The following FNIP2 variants were observed in gnomAD, a reference collection of about 807,000 sequenced individuals.
FNIP2 encodes folliculin-interacting protein 2.
A neutral mutation model predicts 108.7 loss-of-function variants in FNIP2; 32 were observed. The observed-to-expected ratio is 0.29, with a 90% CI of 0.22 to 0.40. The LOEUF (loss-of-function observed/expected upper bound fraction) is 0.40, where lower values mean the gene tolerates loss of function less well. FNIP2 is among the 10% of genes least tolerant of loss of function. The pLI is 1.00. For missense variants in FNIP2, 1,202 were observed against 1,381.6 expected, an observed-to-expected ratio of 0.87 and a Z score of 2.06; for synonymous variants, 480 against 496.7, an observed-to-expected ratio of 0.97 and a Z score of 0.45.
chr4:158,896,194 C>T (rs576616734), intron 16 of FNIP2, among the ~76,000 whole-genome samples: 1 of 152,196 alleles, frequency 6.6e-6, no homozygotes, highest in Non-Finnish European at 1.5e-5. Flanking sequence ...AAGTCACAAG[C>T]TGTGGGACAT....
At chr4:158,832,194 A>G (rs1778524352) in intron 5 of FNIP2, 56 bp downstream of exon 5, 2 of 1,396,172 alleles carry the variant, frequency 1.4e-6, no homozygotes, top group South Asian at 2.4e-5. Flanking sequence ...GTATTTCTAG[A>G]TAGACTAATT....
intron 1 of FNIP2, among the ~76,000 whole-genome samples, chr4:158,787,485 T>G (rs1189687247): frequency 6.6e-6 from 1 of 152,136 alleles, no homozygotes; most frequent in African/African-American, 2.4e-5. Context: ...TTTTATAGAA[T>G]AGGAAAAGGC....
chr4:158,898,620 T>G lies in FNIP2; in HGVS notation c.3266+2755T>G, dbSNP rs182966389. Among the ~76,000 whole-genome samples the G allele has an allele frequency of 2.0e-5, 3 of 152,278 alleles. No homozygotes were observed. In the East Asian group the frequency reaches 5.8e-4, roughly 29 times the overall value. The stretch of plus-strand genomic sequence containing the variant: ...TAGCAATTGTGAATAGGAGTTCACT[T>G]GTGATTTGGCTCTCTGTCTGTTATT... On this transcript the variant is annotated intron_variant, in intron 16 of 16. Transcript: ENST00000264433.
At chr4:158,828,970 A>G in intron 2 of FNIP2, 109 bp from the exon 3 acceptor site, 1 of 908,318 alleles carries the variant, frequency 1.1e-6, no homozygotes. Flanking sequence ...CTGTTTTTTA[A>G]TGCAACCTAG....
At chr4:158,834,288 T>TTCTCTCCCTC (rs1778653917) in intron 6 of FNIP2, 4 of 63,220 alleles carry the variant, frequency 6.3e-5, no homozygotes, top group Non-Finnish European at 8.7e-5. Context: ...CATGGAAGAC[T>TTCTCTCCCTC]TCTCTCTCTC....
At chr4:158,865,545 A>G (rs1371043483) in intron 12 of FNIP2, among the ~76,000 whole-genome samples, 1 of 152,240 alleles carries the variant, frequency 6.6e-6, no homozygotes, top group Non-Finnish European at 1.5e-5. Context: ...TTATTAAAAT[A>G]TACAATACTC....
chr4:158,881,439 CT>C (rs1781616693), intron 14 of FNIP2, among the ~76,000 whole-genome samples: 1 of 147,294 alleles, frequency 6.8e-6, no homozygotes, highest in African/African-American at 2.5e-5. Flanking sequence ...CACGGTCTCC[CT>C]CTCCCTCTCT....
At chr4:158,815,655 C>T (rs58320070) in intron 1 of FNIP2, among the ~76,000 whole-genome samples, 3,602 of 152,214 alleles carry the variant, frequency 0.024, 131 homozygotes, top group African/African-American at 0.077. Context: ...TGAGCCACCG[C>T]GCCCGGCCCA....
chr4:158,883,125 A>G (rs1781787065), intron 14 of FNIP2, among the ~76,000 whole-genome samples: 1 of 152,206 alleles, frequency 6.6e-6, no homozygotes, highest in Admixed American at 6.5e-5. Flanking sequence ...AAAAAAATGA[A>G]GCCAAAGAAT....
chr4:158,848,046 A>G (rs1779502134), intron 7 of FNIP2, among the ~76,000 whole-genome samples: 1 of 152,070 alleles, frequency 6.6e-6, no homozygotes, highest in African/African-American at 2.4e-5. Context: ...GCATCTCTGG[A>G]CTCACCAGGG....
chr4:158,789,990 C>T (rs752958617), intron 1 of FNIP2, among the ~76,000 whole-genome samples: 9 of 152,068 alleles, frequency 5.9e-5, no homozygotes, highest in Non-Finnish European at 7.4e-5. Context: ...TGACATGACA[C>T]GTCAAGCGGG....
chr4:158,809,475 G>A (rs1182830188), intron 1 of FNIP2, among the ~76,000 whole-genome samples: 1 of 152,152 alleles, frequency 6.6e-6, no homozygotes, highest in Non-Finnish European at 1.5e-5. Context: ...ATAAAATCTA[G>A]TGACTCTTAA....
chr4:158,859,016 A>C, intron 8 of FNIP2, 41 bp from the exon 9 acceptor site: 1 of 1,575,086 alleles, frequency 6.3e-7, no homozygotes, highest in Non-Finnish European at 8.7e-7. Context: ...AGTGTGACTC[A>C]CTGATGCATG....
intron 1 of FNIP2, among the ~76,000 whole-genome samples, chr4:158,791,260 A>C (rs1776404972): frequency 7.9e-6 from 1 of 127,108 alleles, no homozygotes; most frequent in African/African-American, 2.9e-5. Flanking sequence ...TTCTGCACTG[A>C]GGATCCTTTT....
intron 8 of FNIP2, among the ~76,000 whole-genome samples, chr4:158,855,456 C>T (rs1779932193): frequency 6.6e-6 from 1 of 150,534 alleles, no homozygotes; most frequent in Admixed American, 6.6e-5. Flanking sequence ...GTGAAGATCC[C>T]TTTTTTTTTG....
chr4:158,778,404 A>G (rs1382973921), intron 1 of FNIP2, among the ~76,000 whole-genome samples: 1 of 152,228 alleles, frequency 6.6e-6, no homozygotes, highest in East Asian at 1.9e-4. Flanking sequence ...AGAAGAAAGA[A>G]GATTCCAGAA....
Position 158,833,671 on chromosome 4 carries a change from C to T in FNIP2, c.655+43C>T, listed in dbSNP as rs1387183820. 2.6e-6 allele frequency: 4 copies of T among 1,523,810 alleles called. No homozygotes were observed. The South Asian group carries it at 3.4e-5, about 13-fold the overall frequency. 94.4% of individuals were successfully genotyped at this position (1,523,810 alleles called of 1,614,324 possible). A position where few individuals can be genotyped will look rare whatever the true frequency, so the allele number is the denominator to read the frequency against. On this transcript the variant is annotated intron_variant, in intron 6 of 16. Transcript: ENST00000264433. ...AACAAATTCTTTCTTTCTGAATACA[C>T]TATTGTGGGTGTGTGTTTTGCTTTA...
At chr4:158,770,697 G>A (rs941819084) in intron 1 of FNIP2, among the ~76,000 whole-genome samples, 2 of 152,186 alleles carry the variant, frequency 1.3e-5, no homozygotes, top group Non-Finnish European at 2.9e-5. Flanking sequence ...CTGAGTATTA[G>A]TGATGCCATG....
intron 1 of FNIP2, among the ~76,000 whole-genome samples, chr4:158,803,981 C>T (rs1162819457): frequency 1.3e-5 from 2 of 152,206 alleles, no homozygotes; most frequent in East Asian, 1.9e-4. Flanking sequence ...CTGTGTTGCT[C>T]AGGCTGGAGT....
Sources: allele counts gnomAD v4.1 joint callset (sites outside exome capture counted in the v4.1 genomes callset), GRCh38; gene constraint gnomAD v4.1.1; transcripts MANE v1.5; gene names NCBI Gene and HGNC (gene_info 2026-07-23, HGNC 2026-07-21).